Variants in POLK observed in about 807,000 individuals in gnomAD.
POLK encodes polymerase (DNA directed) kappa.
Under a neutral mutation model 94.0 loss-of-function variants are expected in POLK, and 76 were observed. The observed-to-expected ratio is 0.81, with a 90% CI of 0.67 to 0.98. POLK has a LOEUF of 0.98. Ranked by LOEUF, POLK falls within the 50% of genes least tolerant of loss-of-function variation. The probability of loss-of-function intolerance (pLI) is 0.00; values close to 1 mark genes in which losing one functional copy is unlikely to be tolerated. For synonymous variants in POLK, 349 were observed against 325.4 expected (o/e 1.07, Z -0.78); for missense variants, 954 against 1,010.1 (o/e 0.94, Z 0.75).
At chr5:75,545,219 A>G (rs1260087664) in intron 1 of POLK, among the ~76,000 whole-genome samples, 2 of 152,238 alleles carry the variant, frequency 1.3e-5, no homozygotes, top group Non-Finnish European at 2.9e-5. Flanking sequence ...TGCCAAAAAC[A>G]GAAGCAACAT....
intron 1 of POLK, among the ~76,000 whole-genome samples, chr5:75,518,599 G>A (rs958575573): frequency 4.0e-5 from 6 of 151,458 alleles, no homozygotes; most frequent in Non-Finnish European, 5.9e-5. Context: ...TATTTTTTTA[G>A]TCTCAATTTT....
At chr5:75,541,316 C>G (rs538643706) in intron 1 of POLK, among the ~76,000 whole-genome samples, 2 of 151,932 alleles carry the variant, frequency 1.3e-5, no homozygotes, top group Admixed American at 1.3e-4. Context: ...AACCAAAAAA[C>G]AAAAACAAAA....
exon 15 of POLK, chr5:75,599,075 T>C (rs1417539342): frequency 6.6e-6 from 1 of 150,578 alleles, no homozygotes; most frequent in African/African-American, 2.4e-5. Flanking sequence ...ACCCTGTCTC[T>C]ACTAAAACGA....
At chr5:75,538,566 T>C (rs946912724) in intron 1 of POLK, 1 of 152,166 alleles carries the variant, frequency 6.6e-6, no homozygotes, top group African/African-American at 2.4e-5. Flanking sequence ...GAGAGAGATA[T>C]CATCTCATCA....
chr5:75,554,202 C>T (rs954168685), intron 3 of POLK, among the ~76,000 whole-genome samples: 12 of 152,168 alleles, frequency 7.9e-5, no homozygotes, highest in African/African-American at 2.6e-4. Context: ...GTGCCATGTG[C>T]CCAGCTGAAA....
chr5:75,571,942 T>C (rs1771621339), intron 4 of POLK, among the ~76,000 whole-genome samples: 1 of 152,238 alleles, frequency 6.6e-6, no homozygotes, highest in South Asian at 2.1e-4. Context: ...TTGTTTCTAG[T>C]GCTATCCACA....
chr5:75,577,141 A>G (rs1771926911), intron 6 of POLK, among the ~76,000 whole-genome samples: 1 of 152,306 alleles, frequency 6.6e-6, no homozygotes, highest in East Asian at 1.9e-4. Context: ...ACAAAATGTG[A>G]TTGTTAAATC....
At chr5:75,542,897 G>A (rs1310987578) in intron 1 of POLK, among the ~76,000 whole-genome samples, 1 of 148,740 alleles carries the variant, frequency 6.7e-6, no homozygotes, top group African/African-American at 2.5e-5. Context: ...ATTTTTAGTA[G>A]AGATGGGGTT....
intron 1 of POLK, among the ~76,000 whole-genome samples, chr5:75,522,992 G>A (rs1352881952): frequency 6.6e-6 from 1 of 152,166 alleles, no homozygotes; most frequent in Non-Finnish European, 1.5e-5. Context: ...AATGACTAAT[G>A]TAACTACGTT....
intron 1 of POLK, among the ~76,000 whole-genome samples, chr5:75,546,743 G>A (rs957204024): frequency 2.6e-5 from 4 of 151,610 alleles, no homozygotes; most frequent in Admixed American, 2.6e-4. Context: ...TCGGCTCACT[G>A]CAACCTCTGC....
intron 1 of POLK, among the ~76,000 whole-genome samples, chr5:75,522,740 T>C (rs1768647489): frequency 6.6e-6 from 1 of 152,098 alleles, no homozygotes; most frequent in South Asian, 2.1e-4. Flanking sequence ...GATGATGCAA[T>C]ACTAAAATAC....
intron 1 of POLK, among the ~76,000 whole-genome samples, chr5:75,541,473 A>G (rs1769739872): frequency 6.6e-6 from 1 of 152,240 alleles, no homozygotes. Flanking sequence ...AGTAGAGTAT[A>G]GATTTTTAAA....
intron 1 of POLK, among the ~76,000 whole-genome samples, chr5:75,517,085 C>G (rs1379395338): frequency 6.6e-6 from 1 of 152,142 alleles, no homozygotes; most frequent in African/African-American, 2.4e-5. Context: ...TGTGATGCCC[C>G]AAGCTTTGTT....
chr5:75,514,934 A>G (rs1471914678), intron 1 of POLK, among the ~76,000 whole-genome samples: 1 of 152,196 alleles, frequency 6.6e-6, no homozygotes, highest in Non-Finnish European at 1.5e-5. Context: ...AGAATCTGTC[A>G]GAGCCAGATA....
intron 3 of POLK, among the ~76,000 whole-genome samples, chr5:75,565,979 C>G (rs1382509206): frequency 6.6e-6 from 1 of 152,226 alleles, no homozygotes; most frequent in East Asian, 1.9e-4. Context: ...GCCCCTTTCC[C>G]CTGGTGCTCT....
chr5:75,552,228 G>C (rs561714377), intron 2 of POLK, among the ~76,000 whole-genome samples: 28 of 152,250 alleles, frequency 1.8e-4, no homozygotes, highest in African/African-American at 6.7e-4. Context: ...CTTGTGCTGT[G>C]CTAAGTACTG....
exon 15 of POLK, chr5:75,600,856 A>T (rs931961974): frequency 6.6e-6 from 1 of 152,228 alleles, no homozygotes; most frequent in Non-Finnish European, 1.5e-5. Flanking sequence ...TAAACTGAAC[A>T]ACTATATTGT....
intron 1 of POLK, among the ~76,000 whole-genome samples, chr5:75,535,762 C>T (rs2112588653): frequency 6.6e-6 from 1 of 152,238 alleles, no homozygotes; most frequent in East Asian, 1.9e-4. Context: ...CTTGGGATTG[C>T]ATTTTGAAAC....
In POLK at chr5:75,532,164, G is replaced by T. The variant is rs567351699; in HGVS notation, c.-13-14846G>T. 3.3e-5 allele frequency among the ~76,000 whole-genome samples: 5 copies of T among 152,272 alleles called. No homozygotes were observed. The East Asian group carries it at 7.7e-4, about 23-fold the overall frequency. ...ATATAGGTAAATTGCATGCCATGGG[G>T]TATGGTGTACAGATTGTCACCCAGG... On this transcript the variant is annotated intron_variant, in intron 1 of 14. Coordinates refer to ENST00000241436, the Ensembl canonical transcript of POLK.
Sources: allele counts gnomAD v4.1 joint callset (sites outside exome capture counted in the v4.1 genomes callset), GRCh38; gene constraint gnomAD v4.1.1; transcripts MANE v1.5; gene names NCBI Gene and HGNC (gene_info 2026-07-23, HGNC 2026-07-21).